Variants in NOTCH4 observed in about 807,000 individuals in gnomAD.
The protein encoded by NOTCH4 is notch receptor 4.
NOTCH4 carries 138 observed loss-of-function variants against 189.0 expected under a neutral mutation model. The observed-to-expected ratio is 0.73, with a 90% CI of 0.64 to 0.84. The LOEUF (loss-of-function observed/expected upper bound fraction) is 0.84. Among genes scored for constraint, NOTCH4 ranks in the 40% least tolerant of loss-of-function variants. The pLI, the probability that NOTCH4 is intolerant of heterozygous loss-of-function variation, is 0.00. For synonymous variants in NOTCH4, 942 were observed against 1,032.8 expected (o/e 0.91, Z 1.69); for missense variants, 2,286 against 2,605.4 (o/e 0.88, Z 2.67).
rs1788071427 is a variant in NOTCH4, at chr6:32,198,066, C to G, written c.4756+355G>C. Among the ~76,000 whole-genome samples, 1 of 152,162 alleles carries G rather than the reference C, an allele frequency of 6.6e-6. No homozygotes were observed. Among genetic ancestry groups the G allele is most frequent in the African/African-American group, 2.4e-5 (1 of 41,422 alleles). On this transcript the variant is annotated intron_variant, in intron 26 of 29. Transcript: ENST00000375023. This position sits in a 1 kb window ranked among gnomAD's most constrained non-coding sequence, Gnocchi z 5.5. ...TCGATCTCCTGACCTTGTGATCCAC[C>G]CGCCTTGGCCTCCCAAAGTGCTGGG...
chr6:32,213,313 G>T, intron 14 of NOTCH4, 61 bp from the exon 15 acceptor site: 1 of 1,144,314 alleles, frequency 8.7e-7, no homozygotes, highest in Non-Finnish European at 1.3e-6. Flanking sequence ...TGTGACCTCA[G>T]TCACACTGTA....
Position 32,221,448 on chromosome 6 carries a change from C to A in NOTCH4, c.452-123G>T. 1 of 711,872 alleles carries A rather than the reference C, an allele frequency of 1.4e-6. No homozygotes were observed. The highest frequency in any genetic ancestry group is 2.3e-6 in the Non-Finnish European group (1 of 431,654). 44.1% of individuals were successfully genotyped at this position (711,872 alleles called of 1,614,324 possible). A position where few individuals can be genotyped will look rare whatever the true frequency, so the allele number is the denominator to read the frequency against. Reference sequence around the variant, plus strand: ...TTTTCATATTTCCTTCCCTTTATTACCATACTTTCTTTGCTCTGTTCCATC... The same window carrying A: ...TTTTCATATTTCCTTCCCTTTATTAACATACTTTCTTTGCTCTGTTCCATC... On this transcript the variant is annotated intron_variant, in intron 3 of 29. Transcript: ENST00000375023. This position sits in a 1 kb window ranked among gnomAD's most constrained non-coding sequence, Gnocchi z 4.3.
Position 32,214,151 on chromosome 6 carries a change from T to C in NOTCH4, c.2126A>G (p.Gln709Arg), listed in dbSNP as rs1416453229. The C allele has an allele frequency of 6.2e-7, 1 of 1,613,490 alleles. No individual in the cohort carries two copies. The highest frequency in any genetic ancestry group is 8.5e-7 in the Non-Finnish European group (1 of 1,179,788). Residue 709 changes from glutamine to arginine, a missense_variant, in exon 13 of 30, where the codon CAG becomes CGG. Gln to Arg is a conservative substitution (Grantham distance 43). This residue lies in a region of NOTCH4 where 1,903 missense variants were observed against 2,261.9 expected (regional missense o/e 0.84). Transcript: ENST00000375023. The stretch of plus-strand genomic sequence containing the variant: ...GCAGGTGCAGTTGTAGCCAGAGGGC[T>C]GGGGGTAGCAGGTCCCCCCATGGGC... The part of the protein sequence containing the change: ...PCAHGGTCYP[Q>R]PSGYNCTCPT...
At position 32,196,052 on chromosome 6, in the gene NOTCH4, A is replaced by G; in HGVS notation, c.5397T>C (p.Ala1799=). 1.3e-6 allele frequency: 2 copies of G among 1,594,742 alleles called. No individual in the cohort carries two copies. The highest frequency in any genetic ancestry group is 1.7e-6 in the Non-Finnish European group (2 of 1,177,242). The part of the protein sequence containing the change: ...LGAARELRDQ[A]GLAPADVAHQ... ...GAGCGACGTCCGCCGGCGCTAGCCC[A>G]GCCTGGTCCCGCAGCTCTCGGGCTG... Residue 1799 remains alanine, a synonymous_variant, in exon 30 of 30, where the codon GCT becomes GCC. Coordinates refer to ENST00000375023, the MANE Select transcript of NOTCH4 (RefSeq NM_004557.4).
rs376865850 is a variant in NOTCH4, at chr6:32,212,647, G to A, written c.2527-20C>T. The A allele has an allele frequency of 2.1e-5, 33 of 1,600,338 alleles. No homozygotes were observed. The African/African-American group carries it at 2.5e-4, about 12-fold the overall frequency. On this transcript the variant is annotated intron_variant, in intron 16 of 29. Transcript: ENST00000375023. This position sits in a 1 kb window ranked among gnomAD's most constrained non-coding sequence, Gnocchi z 4.4. The stretch of plus-strand genomic sequence containing the variant: ...CAGAGTCTGAGGGGTGGGAGGGAGC[G>A]TGAGGCAGGACATAGCATCAGATTC...
Position 32,217,303 on chromosome 6 carries a change from G to A in NOTCH4, c.1625-37C>T, listed in dbSNP as rs757676804. ...GAAGTGGGTGGGGAGAGGAGGCCAA[G>A]GTCATCGAGGGAGGCACAGCATGGC... On this transcript the variant is annotated intron_variant, in intron 9 of 29. Transcript: ENST00000375023. This position sits in a 1 kb window ranked among gnomAD's most constrained non-coding sequence, Gnocchi z 4.2. 3 of 1,372,806 alleles carry A rather than the reference G, an allele frequency of 2.2e-6. No homozygotes were observed. The highest frequency in any genetic ancestry group is 1.7e-5 in the Admixed American group (1 of 58,558). 85.0% of individuals were successfully genotyped at this position (1,372,806 alleles called of 1,614,324 possible).
In NOTCH4 at chr6:32,198,690, C is replaced by T; in HGVS notation, c.4576G>A (p.Val1526Met). Reference sequence around the variant, plus strand: ...CCCTCCTCAGGGCCTGAGCACATCACAACTCCATCCTCATCAACTTCTGCC... The same window carrying T: ...CCCTCCTCAGGGCCTGAGCACATCATAACTCCATCCTCATCAACTTCTGCC... ...PKAEVDEDGV[V>M]MCSGPEEGEE... is the part of the protein sequence containing the mutation. Residue 1526 changes from valine (V) to methionine (M), a missense_variant, in exon 25 of 30, where the codon GTG (valine) becomes ATG (methionine). By Grantham distance (21) the Val-to-Met change is conservative. Transcript: ENST00000375023. This position sits in a 1 kb window ranked among gnomAD's most constrained non-coding sequence, Gnocchi z 5.5. 4 of 1,612,732 alleles carry T rather than the reference C, an allele frequency of 2.5e-6. No individual in the cohort carries two copies. The South Asian group carries it at 3.3e-5, about 13-fold the overall frequency.
rs2127486492 is a variant in NOTCH4 at position 32,220,206 on chromosome 6, G to A, written c.1238C>T (p.Thr413Ile). Residue 413 changes from threonine to isoleucine, a missense_variant, in exon 7 of 30, where the codon ACA becomes ATA. Coordinates refer to ENST00000375023, the MANE Select transcript of NOTCH4 (RefSeq NM_004557.4). ...CTGACACAGGCAGAGTGTGGAGCCT[G>A]TGAGGGGGTTGGTGCTGCATTGGGC... ...GDAQCSTNPL[T>I]GSTLCLCQPG... 15 of 1,613,980 alleles carry A rather than the reference G, an allele frequency of 9.3e-6. No homozygotes were observed. The highest frequency in any genetic ancestry group is 1.3e-5 in the Non-Finnish European group (15 of 1,179,946).
intron 18 of NOTCH4, among the ~76,000 whole-genome samples, chr6:32,204,963 T>C (rs1788582576): frequency 6.6e-6 from 1 of 152,172 alleles, no homozygotes; most frequent in Admixed American, 6.5e-5. Flanking sequence ...CTTGTGCAAG[T>C]CAAATAGCTA....
chr6:32,211,594 AAAAT>A (rs55792395), intron 17 of NOTCH4, among the ~76,000 whole-genome samples: 58,985 of 136,880 alleles, frequency 0.43, 13,136 homozygotes, highest in East Asian at 0.51. Context: ...CTCCATCTCA[AAAAT>A]AAATAAATAA....
Position 32,216,932 on chromosome 6 carries a change from C to T in NOTCH4, c.1861+13G>A. 1 of 1,613,094 alleles carries T rather than the reference C, an allele frequency of 6.2e-7. No individual in the cohort carries two copies. The highest frequency in any genetic ancestry group is 8.5e-7 in the Non-Finnish European group (1 of 1,179,998). On this transcript the variant is annotated intron_variant, in intron 11 of 29. Coordinates refer to ENST00000375023, the MANE Select transcript of NOTCH4 (RefSeq NM_004557.4). Reference sequence around the variant, plus strand: ...ATATTCTGCCAGTTCTTTCCAGTGCCTCCCCTGTGAACCTGTGAAACCAGA... The same window carrying T: ...ATATTCTGCCAGTTCTTTCCAGTGCTTCCCCTGTGAACCTGTGAAACCAGA...
In NOTCH4 at chr6:32,212,680, A is replaced by G. The variant is rs1947738580; in HGVS notation, c.2527-53T>C. 1.3e-6 allele frequency: 2 copies of G among 1,568,554 alleles called. No individual in the cohort carries two copies. Among genetic ancestry groups the G allele is most frequent in the Non-Finnish European group, 1.7e-6 (2 of 1,154,958 alleles). On this transcript the variant is annotated intron_variant, in intron 16 of 29. Coordinates refer to ENST00000375023, the MANE Select transcript of NOTCH4 (RefSeq NM_004557.4). This position sits in a 1 kb window ranked among gnomAD's most constrained non-coding sequence, Gnocchi z 4.4. ...GGACATAGCATCAGATTCTCAGCCC[A>G]GAGATGGTCCTCTGCCCACTCCAGC... is the stretch of plus-strand genomic sequence containing the variant.
Position 32,196,310 on chromosome 6 carries a change from C to G in NOTCH4, c.5298+14G>C. Reference sequence around the variant, plus strand: ...GCCTGACTGTTTTGTGGGAAGCCCTCTGTCCCATCTAACCCTGTTGTCCTG... The same window carrying G: ...GCCTGACTGTTTTGTGGGAAGCCCTGTGTCCCATCTAACCCTGTTGTCCTG... On this transcript the variant is annotated intron_variant, in intron 29 of 29. Transcript: ENST00000375023. 1 of 1,613,158 alleles carries G rather than the reference C, an allele frequency of 6.2e-7. No individual in the cohort carries two copies. The highest frequency in any genetic ancestry group is 1.1e-5 in the South Asian group (1 of 91,086).
rs1789895331 is a variant in NOTCH4 at position 32,223,079 on chromosome 6, C to A, written c.81G>T (p.Leu27=). The A allele has an allele frequency of 1.9e-6, 3 of 1,613,928 alleles. No homozygotes were observed. The highest frequency in any genetic ancestry group is 2.5e-6 in the Non-Finnish European group (3 of 1,179,854). The part of the protein sequence containing the change: ...CVSVVRPRGL[L]CGSFPEPCAN... ...CACAGGGTTCTGGGAAACTCCCACA[C>A]AGCAGCCCTGAGGGTGGAGAGGCAG... The change falls in exon 2 of 30, where the codon CTG becomes CTT. Residue 27 remains leucine (L), a synonymous_variant. Coordinates refer to ENST00000375023, the MANE Select transcript of NOTCH4 (RefSeq NM_004557.4).
rs1789716464 is a variant in NOTCH4 at position 32,220,836 on chromosome 6, A to G, written c.842T>C (p.Val281Ala). Reference sequence around the variant, plus strand: ...GCCCCCATTCTGACACTGGTGGCTGACACAGTTGTCTGGATTCACCTCACA... The same window carrying G: ...GCCCCCATTCTGACACTGGTGGCTGGCACAGTTGTCTGGATTCACCTCACA... ...PDCEVNPDNC[V>A]SHQCQNGGTC... The change falls in exon 5 of 30, where the codon GTC becomes GCC. Residue 281 changes from valine to alanine, a missense_variant. Around this residue, in one of 2 missense-constraint regions of NOTCH4, gnomAD observed 1,903 missense variants for 2,261.9 expected, o/e 0.84. Transcript: ENST00000375023. 2 of 1,613,958 alleles carry G rather than the reference A, an allele frequency of 1.2e-6. No homozygotes were observed. The highest frequency in any genetic ancestry group is 2.2e-5 in the South Asian group (2 of 91,084).
In NOTCH4 at chr6:32,198,665, C is replaced by T. The variant is rs1788133535; in HGVS notation, c.4601G>A (p.Gly1534Glu). Residue 1534 changes from glycine (G) to glutamate (E), a missense_variant, in exon 25 of 30, where the codon GGA becomes GAA. By Grantham distance (98) the Gly-to-Glu change is moderately conservative. Coordinates refer to ENST00000375023, the MANE Select transcript of NOTCH4 (RefSeq NM_004557.4). The surrounding 1 kb of genome is among the most constrained non-coding windows in gnomAD (Gnocchi z 5.5). ...GVVMCSGPEE[G>E]EEVGQAEETG... Reference sequence around the variant, plus strand: ...CCCTTTCACCTGGCCCACCTCCTCTCCCTCCTCAGGGCCTGAGCACATCAC... The same window carrying T: ...CCCTTTCACCTGGCCCACCTCCTCTTCCTCCTCAGGGCCTGAGCACATCAC... 6.2e-7 allele frequency: 1 copy of T among 1,612,520 alleles called. No homozygotes were observed. The highest frequency in any genetic ancestry group is 8.5e-7 in the Non-Finnish European group (1 of 1,179,748).
chr6:32,200,755 AG>A lies in NOTCH4; in HGVS notation c.4315+75del. On this transcript the variant is annotated intron_variant, in intron 23 of 29. Coordinates refer to ENST00000375023, the MANE Select transcript of NOTCH4 (RefSeq NM_004557.4). The surrounding 1 kb of genome is among the most constrained non-coding windows in gnomAD (Gnocchi z 5.0). ...CAGTCTCAGCTGTCCTGTTTGATTC[AG>A]CCTCCATTGCCTGTTGCTAGCATGA... The A allele has an allele frequency of 8.0e-7, 1 of 1,248,704 alleles. No individual in the cohort carries two copies. Among genetic ancestry groups the A allele is most frequent in the Non-Finnish European group, 1.1e-6 (1 of 910,428 alleles). The allele number at this position is 1,248,704 out of a possible 1,614,324, so 77.4% of individuals were successfully genotyped here.
intron 7 of NOTCH4, 58 bp downstream of exon 7, chr6:32,220,071 C>G (rs1582822283): frequency 6.4e-7 from 1 of 1,551,650 alleles, no homozygotes; most frequent in East Asian, 2.2e-5. Flanking sequence ...CCTTTTCTGT[C>G]TTCAGTGCAG....
chr6:32,197,423 C>G lies in NOTCH4; in HGVS notation c.4928G>C (p.Arg1643Pro), dbSNP rs768493416. 28 of 1,546,768 alleles carry G rather than the reference C, an allele frequency of 1.8e-5. No homozygotes were observed. The highest frequency in any genetic ancestry group is 2.4e-5 in the Non-Finnish European group (28 of 1,147,108). ...GCGGGCAGCGGTTGGCCGGGAGAAT[C>G]GGGCAGCCAGGTGCAGGGGGGTCTC... is the stretch of plus-strand genomic sequence containing the variant. ...TGETPLHLAA[R>P]FSRPTAARRL... Residue 1643 changes from arginine (R) to proline (P), a missense_variant, in exon 27 of 30, where the codon CGA becomes CCA. Arg to Pro is a moderately radical substitution (Grantham distance 103, BLOSUM62 -2). Coordinates refer to ENST00000375023, the MANE Select transcript of NOTCH4 (RefSeq NM_004557.4).
Sources: allele counts gnomAD v4.1 joint callset (sites outside exome capture counted in the v4.1 genomes callset), GRCh38; gene constraint gnomAD v4.1.1; regional missense constraint gnomAD v4.1.1; non-coding constraint Gnocchi (gnomAD v3.1); transcripts MANE v1.5; gene names NCBI Gene and HGNC (gene_info 2026-07-23, HGNC 2026-07-21).